GLIS3: variants seen among roughly 807,000 people sequenced by gnomAD.
GLIS3 encodes GLIS family zinc finger 3.
GLIS3 carries 53 observed loss-of-function variants against 78.6 expected under a neutral mutation model. The ratio of observed to expected loss-of-function variants is 0.67; its 90% CI spans 0.54 to 0.85. The LOEUF is 0.85. GLIS3 is among the 40% of genes least tolerant of loss of function. The pLI, the probability that GLIS3 is intolerant of heterozygous loss-of-function variation, is 0.00. For synonymous variants in GLIS3, 684 were observed against 509.9 expected, an observed-to-expected ratio of 1.34 and a Z score of -4.60; for missense variants, 1,703 against 1,231.1, an observed-to-expected ratio of 1.38 and a Z score of -5.74.
At chr9:3,870,939 G>A (rs572742029) in intron 8 of GLIS3, among the ~76,000 whole-genome samples, 1 of 152,294 alleles carries the variant, frequency 6.6e-6, no homozygotes, top group South Asian at 2.1e-4. Context: ...GACAAGGCAG[G>A]TCTCTTCCAC....
chr9:3,921,923 TACACACAC>T, intron 6 of GLIS3, among the ~76,000 whole-genome samples: 2 of 149,870 alleles, frequency 1.3e-5, no homozygotes, highest in South Asian at 2.1e-4. Context: ...TCATACTGTG[TACACACAC>T]ACACACACAC....
At position 4,296,590 on chromosome 9, in the gene GLIS3, T is replaced by TC. The variant is rs1816527112; in HGVS notation, c.-99+2830dup. ...CTGATAACCTGCCTACTAAGGAACT[T>TC]CAGTGGAATCAGGGGATCAACGATG... On this transcript the variant is annotated intron_variant, in intron 1 of 10. Transcript: ENST00000381971. Among the ~76,000 whole-genome samples, 4 of 152,238 alleles carry TC rather than the reference T, an allele frequency of 2.6e-5. 1 individual carries two copies. In the East Asian group the frequency reaches 5.8e-4, roughly 22 times the overall value.
intron 7 of GLIS3, among the ~76,000 whole-genome samples, chr9:3,890,798 T>A (rs2130544271): frequency 6.6e-6 from 1 of 152,204 alleles, no homozygotes; most frequent in Admixed American, 6.5e-5. Flanking sequence ...ACACTACTTT[T>A]GAATGACCAA....
intron 2 of GLIS3, among the ~76,000 whole-genome samples, chr9:4,344,463 A>G (rs1817875244): frequency 6.6e-6 from 1 of 152,116 alleles, no homozygotes; most frequent in Admixed American, 6.5e-5. Flanking sequence ...CTTCGTTATC[A>G]CGTCTTCTCT....
intron 2 of GLIS3, among the ~76,000 whole-genome samples, chr9:4,231,969 CT>C (rs1822292182): frequency 1.3e-5 from 2 of 152,314 alleles, no homozygotes; most frequent in South Asian, 4.1e-4. Context: ...CCAACCAATA[CT>C]TTTTTTGGGT....
chr9:4,403,013 G>C, the GLIS3 span, among the ~76,000 whole-genome samples: 1 of 152,116 alleles, frequency 6.6e-6, no homozygotes, highest in South Asian at 2.1e-4. Flanking sequence ...CTACTTCAAA[G>C]CATTTATTAA....
At chr9:4,341,082 T>C (rs945749146) in intron 2 of GLIS3, among the ~76,000 whole-genome samples, 5 of 152,220 alleles carry the variant, frequency 3.3e-5, no homozygotes, top group Non-Finnish European at 5.9e-5. Flanking sequence ...AAATGATCTG[T>C]TATCTCTTCT....
chr9:4,223,702 C>A (rs769963981), intron 2 of GLIS3, among the ~76,000 whole-genome samples: 1 of 152,122 alleles, frequency 6.6e-6, no homozygotes, highest in Non-Finnish European at 1.5e-5. Flanking sequence ...GGCTTCTGGC[C>A]AATATTTTTA....
intron 2 of GLIS3, among the ~76,000 whole-genome samples, chr9:4,241,740 C>T (rs1175656530): frequency 1.3e-5 from 2 of 152,112 alleles, no homozygotes; most frequent in Non-Finnish European, 2.9e-5. Context: ...TGGAATGCAG[C>T]AGCGTGATCT....
chr9:4,335,705 C>T (rs543481330), intron 2 of GLIS3, among the ~76,000 whole-genome samples: 2 of 152,182 alleles, frequency 1.3e-5, no homozygotes, highest in Non-Finnish European at 2.9e-5. Flanking sequence ...ACATCAGGAT[C>T]TATTTAGACC....
intron 2 of GLIS3, among the ~76,000 whole-genome samples, chr9:4,254,573 C>T (rs1297993697): frequency 6.6e-6 from 1 of 152,208 alleles, no homozygotes; most frequent in Non-Finnish European, 1.5e-5. Flanking sequence ...AGCACGGTGG[C>T]TCACGTCTGT....
At chr9:4,458,815 T>C in the GLIS3 span, among the ~76,000 whole-genome samples, 1 of 151,978 alleles carries the variant, frequency 6.6e-6, no homozygotes, top group Admixed American at 6.6e-5. Flanking sequence ...CAAGTGAAAA[T>C]GTCTGGGAGG....
At chr9:4,447,867 G>C in the GLIS3 span, among the ~76,000 whole-genome samples, 8 of 152,054 alleles carry the variant, frequency 5.3e-5, no homozygotes, top group African/African-American at 1.4e-4. Context: ...TCTTTTTCTG[G>C]TTCCCTTTTA....
At chr9:4,281,843 T>A (rs959627985) in intron 2 of GLIS3, among the ~76,000 whole-genome samples, 4 of 152,204 alleles carry the variant, frequency 2.6e-5, no homozygotes, top group African/African-American at 7.2e-5. Context: ...GCTAGTAGTT[T>A]GCCTGGTGTC....
chr9:4,289,301 G>A (rs189159571), intron 1 of GLIS3, among the ~76,000 whole-genome samples: 2 of 152,212 alleles, frequency 1.3e-5, no homozygotes, highest in East Asian at 3.9e-4. Flanking sequence ...ACACCCATTT[G>A]CTATAATCAA....
chr9:3,828,671 G>T (rs1428537274), intron 10 of GLIS3, among the ~76,000 whole-genome samples: 4 of 152,212 alleles, frequency 2.6e-5, no homozygotes, highest in African/African-American at 7.2e-5. Flanking sequence ...AAGGCTGGGG[G>T]TGGCCTCAAA....
At chr9:4,200,822 G>C (rs1205896554) in intron 2 of GLIS3, among the ~76,000 whole-genome samples, 3 of 152,076 alleles carry the variant, frequency 2.0e-5, no homozygotes, top group Non-Finnish European at 4.4e-5. Flanking sequence ...AACGACTCCT[G>C]CCTAACTCGT....
intron 4 of GLIS3, among the ~76,000 whole-genome samples, chr9:4,024,001 G>T (rs904808208): frequency 2.7e-5 from 4 of 150,202 alleles, no homozygotes; most frequent in Non-Finnish European, 5.9e-5. Context: ...TTCATTCATA[G>T]AGGATAAAAT....
intron 4 of GLIS3, among the ~76,000 whole-genome samples, chr9:4,108,867 G>T (rs527291810): frequency 6.6e-6 from 1 of 152,130 alleles, no homozygotes; most frequent in African/African-American, 2.4e-5. Flanking sequence ...GCCTTCAGCT[G>T]TGCTCTCCGG....
Sources: allele counts gnomAD v4.1 joint callset (sites outside exome capture counted in the v4.1 genomes callset), GRCh38; gene constraint gnomAD v4.1.1; transcripts MANE v1.5; gene names NCBI Gene and HGNC (gene_info 2026-07-23, HGNC 2026-07-21).